AGPAT4: variants seen among roughly 807,000 people sequenced by gnomAD.
The protein encoded by AGPAT4 is 1-acyl-sn-glycerol-3-phosphate acyltransferase delta.
A neutral mutation model predicts 48.0 loss-of-function variants in AGPAT4; 15 were observed. The observed-to-expected ratio is 0.31, with a 90% CI of 0.21 to 0.48. AGPAT4 has a LOEUF of 0.48. Among genes scored for constraint, AGPAT4 ranks in the 20% least tolerant of loss-of-function variants. The pLI is 0.99. For synonymous variants in AGPAT4, 178 were observed against 198.7 expected (o/e 0.90, Z 0.88); for missense variants, 314 against 482.5 (o/e 0.65, Z 3.27).
In AGPAT4 at chr6:161,225,271, C is replaced by T. The variant is rs1182414673; in HGVS notation, c.178+6765G>A. On this transcript the variant is annotated intron_variant, in intron 2 of 8. Transcript: ENST00000320285. This position sits in a 1 kb window ranked among gnomAD's most constrained non-coding sequence, Gnocchi z 5.0. ...CACCCCGTCACTCTCTTTAAATTAG[C>T]CAATCAGAATTAGTTTAACCTGTGC... Among the ~76,000 whole-genome samples, 2 of 152,186 alleles carry T rather than the reference C, an allele frequency of 1.3e-5. No individual in the cohort carries two copies. The highest frequency in any genetic ancestry group is 2.4e-5 in the African/African-American group (1 of 41,446).
intron 5 of AGPAT4, among the ~76,000 whole-genome samples, chr6:161,151,009 G>A: frequency 6.6e-6 from 1 of 152,162 alleles, no homozygotes; most frequent in East Asian, 1.9e-4. Flanking sequence ...TCCCCAAAGA[G>A]CCACCTAAAT....
rs2114746633 is a variant in AGPAT4 at position 161,259,098 on chromosome 6, T to G, written c.-90+14840A>C. ...CAGGTGTGAGCCACGGTACCCGGCC[T>G]TAAATTCTTTTCAATTGACAAATAA... On this transcript the variant is annotated intron_variant, in intron 1 of 8. Coordinates refer to ENST00000320285, the MANE Select transcript of AGPAT4 (RefSeq NM_020133.3). The surrounding 1 kb of genome is among the most constrained non-coding windows in gnomAD (Gnocchi z 4.9). 6.6e-6 allele frequency among the ~76,000 whole-genome samples: 1 copy of G among 152,270 alleles called. No homozygotes were observed. The highest frequency in any genetic ancestry group is 1.9e-4 in the East Asian group (1 of 5,176).
chr6:161,188,590 T>C (rs530930214), intron 2 of AGPAT4, among the ~76,000 whole-genome samples: 1 of 152,356 alleles, frequency 6.6e-6, no homozygotes, highest in Non-Finnish European at 1.5e-5. Context: ...AACGACATTA[T>C]GAGGCATGCA....
chr6:161,153,078 A>G (rs113653622), intron 5 of AGPAT4, among the ~76,000 whole-genome samples: 6,221 of 152,252 alleles, frequency 0.041, 418 homozygotes, highest in African/African-American at 0.14. Flanking sequence ...CCATCCAGGC[A>G]CCCAGCACAT....
rs760517186 is a variant in AGPAT4 at position 161,130,783 on chromosome 6, G to A, written c.*5757C>T. On this transcript the variant is annotated 3_prime_UTR_variant, in exon 9 of 9. Coordinates refer to ENST00000320285, the MANE Select transcript of AGPAT4 (RefSeq NM_020133.3). ...AGCTGAGGCCATGCCATTGCTACCC[G>A]GAAGCTGGCTCTGCAGCGTTGTGAC... 7.2e-5 allele frequency: 36 copies of A among 503,486 alleles called. No homozygotes were observed. Among genetic ancestry groups the A allele is most frequent in the South Asian group, 1.0e-4 (7 of 69,568 alleles). 31.2% of individuals were successfully genotyped at this position (503,486 alleles called of 1,614,324 possible).
Position 161,235,688 on chromosome 6 carries a change from C to T in AGPAT4, c.-89-3386G>A, listed in dbSNP as rs1379638087. ...CTCATGGCGGAAGGCAAAGGGGGAG[C>T]GGGCATCTTACAAGGCAGGAGGAAG... On this transcript the variant is annotated intron_variant, in intron 1 of 8. Coordinates refer to ENST00000320285, the MANE Select transcript of AGPAT4 (RefSeq NM_020133.3). This position sits in a 1 kb window ranked among gnomAD's most constrained non-coding sequence, Gnocchi z 6.2. 2.6e-5 allele frequency among the ~76,000 whole-genome samples: 4 copies of T among 152,134 alleles called. No individual in the cohort carries two copies. In the East Asian group the frequency reaches 7.7e-4, roughly 29 times the overall value.
chr6:161,131,868 T>A lies in AGPAT4; in HGVS notation c.*4672A>T, dbSNP rs1469019950. The A allele has an allele frequency of 5.9e-5, 9 of 152,270 alleles. No individual in the cohort carries two copies. The highest frequency in any genetic ancestry group is 2.2e-4 in the African/African-American group (9 of 41,454). The allele number at this position is 152,270 out of a possible 1,614,324, so 9.4% of individuals were successfully genotyped here. Reference sequence around the variant, plus strand: ...TCCTTCTCTCAAATTGTACGTCTGTTGTTTTCAAAAGCCATTGTGACAGGT... The same window carrying A: ...TCCTTCTCTCAAATTGTACGTCTGTAGTTTTCAAAAGCCATTGTGACAGGT... On this transcript the variant is annotated 3_prime_UTR_variant, in exon 9 of 9. Coordinates refer to ENST00000320285, the MANE Select transcript of AGPAT4 (RefSeq NM_020133.3).
At position 161,139,756 on chromosome 6, in the gene AGPAT4, C is replaced by T; in HGVS notation, c.844-136G>A. 1.4e-6 allele frequency: 1 copy of T among 713,006 alleles called. No homozygotes were observed. The allele number at this position is 713,006 out of a possible 1,614,324, so 44.2% of individuals were successfully genotyped here. ...TCGGCAGAACTGGGGTCTGCAGCTCCTTCCAGAAAGCACTTTGTAGGCAGC... is the reference window on the plus strand; with the variant it reads ...TCGGCAGAACTGGGGTCTGCAGCTCTTTCCAGAAAGCACTTTGTAGGCAGC... On this transcript the variant is annotated intron_variant, in intron 7 of 8. Coordinates refer to ENST00000320285, the MANE Select transcript of AGPAT4 (RefSeq NM_020133.3). The surrounding 1 kb of genome is among the most constrained non-coding windows in gnomAD (Gnocchi z 9.1).
rs969159388 is a variant in AGPAT4, at chr6:161,144,815, C to T, written c.843+1709G>A. On this transcript the variant is annotated intron_variant, in intron 7 of 8. Transcript: ENST00000320285. The surrounding 1 kb of genome is among the most constrained non-coding windows in gnomAD (Gnocchi z 6.6). ...CAAACACGGTGAAACCCCGTCTCTA[C>T]TAAACATACAAAAAAATTAGCCGGG... is the stretch of plus-strand genomic sequence containing the variant. Among the ~76,000 whole-genome samples, 2 of 152,020 alleles carry T rather than the reference C, an allele frequency of 1.3e-5. No homozygotes were observed. Among genetic ancestry groups the T allele is most frequent in the African/African-American group, 4.8e-5 (2 of 41,368 alleles).
chr6:161,208,470 G>A lies in AGPAT4; in HGVS notation c.178+23566C>T, dbSNP rs551802009. Among the ~76,000 whole-genome samples the A allele has an allele frequency of 8.9e-6, 1 of 112,164 alleles. No homozygotes were observed. The highest frequency in any genetic ancestry group is 4.4e-5 in the African/African-American group (1 of 22,578). 73.6% of individuals were successfully genotyped at this position (112,164 alleles called of 152,430 possible). On this transcript the variant is annotated intron_variant, in intron 2 of 8. Transcript: ENST00000320285. This position sits in a 1 kb window ranked among gnomAD's most constrained non-coding sequence, Gnocchi z 4.6. ...CACACACCCACCCCCAACATCTGCA[G>A]GTTTAAGCATTTTTTTTTTCCATAA...
rs1328848073 is a variant in AGPAT4, at chr6:161,180,143, C to T, written c.179-13726G>A. ...AGGATCCCAGGGATGCCTATCCTCC[C>T]TGGAGACCCCAACAATATTTCAAGC... On this transcript the variant is annotated intron_variant, in intron 2 of 8. Transcript: ENST00000320285. This position sits in a 1 kb window ranked among gnomAD's most constrained non-coding sequence, Gnocchi z 6.4. Among the ~76,000 whole-genome samples the T allele has an allele frequency of 1.3e-5, 2 of 152,152 alleles. No individual in the cohort carries two copies. Among genetic ancestry groups the T allele is most frequent in the Admixed American group, 6.5e-5 (1 of 15,272 alleles).
rs765517750 is a variant in AGPAT4 at position 161,246,527 on chromosome 6, A to G, written c.-89-14225T>C. Among the ~76,000 whole-genome samples, 16 of 152,062 alleles carry G rather than the reference A, an allele frequency of 1.1e-4. No homozygotes were observed. The highest frequency in any genetic ancestry group is 1.9e-4 in the Non-Finnish European group (13 of 68,000). On this transcript the variant is annotated intron_variant, in intron 1 of 8. Coordinates refer to ENST00000320285, the MANE Select transcript of AGPAT4 (RefSeq NM_020133.3). The surrounding 1 kb of genome is among the most constrained non-coding windows in gnomAD (Gnocchi z 5.5). ...CAAGTTCAAGCGATTCTCCTGCCTC[A>G]GCCTCCCGAGTAGCTGGGATTACAG...
chr6:161,265,672 G>T (rs532220517), intron 1 of AGPAT4, among the ~76,000 whole-genome samples: 1 of 152,202 alleles, frequency 6.6e-6, no homozygotes, highest in Non-Finnish European at 1.5e-5. Flanking sequence ...GAGAGGTTTG[G>T]AAAAGGAGGC....
At chr6:161,228,346 G>A (rs1002759397) in intron 2 of AGPAT4, among the ~76,000 whole-genome samples, 3 of 152,168 alleles carry the variant, frequency 2.0e-5, no homozygotes, top group African/African-American at 7.2e-5. Flanking sequence ...CCCCATTCAA[G>A]GAAGATGTGT....
In AGPAT4 at chr6:161,245,770, C is replaced by T. The variant is rs183842473; in HGVS notation, c.-89-13468G>A. Among the ~76,000 whole-genome samples, 3 of 152,132 alleles carry T rather than the reference C, an allele frequency of 2.0e-5. No homozygotes were observed. The East Asian group carries it at 5.8e-4, about 29-fold the overall frequency. On this transcript the variant is annotated intron_variant, in intron 1 of 8. Coordinates refer to ENST00000320285, the MANE Select transcript of AGPAT4 (RefSeq NM_020133.3). The surrounding 1 kb of genome is among the most constrained non-coding windows in gnomAD (Gnocchi z 5.2). ...CAATCCTAGTTTCTGGTAAGGAGTG[C>T]GAGGAAGGCGGGAGAATCAATATGG... is the stretch of plus-strand genomic sequence containing the variant.
At chr6:161,213,582 GCC>G (rs1781572047) in intron 2 of AGPAT4, among the ~76,000 whole-genome samples, 1 of 152,034 alleles carries the variant, frequency 6.6e-6, no homozygotes, top group African/African-American at 2.4e-5. Flanking sequence ...CTTTTGTAAA[GCC>G]CTGTGAACTG....
rs2114972115 is a variant in AGPAT4, at chr6:161,159,517, TG to T, written c.349-5208del. ...AAGGTGTGTGCAAGAGAGGATGGTA[TG>T]GGCCTGGAATCTCTGAAATCTGTCC... On this transcript the variant is annotated intron_variant, in intron 3 of 8. Transcript: ENST00000320285. The surrounding 1 kb of genome is among the most constrained non-coding windows in gnomAD (Gnocchi z 4.1). Among the ~76,000 whole-genome samples the T allele has an allele frequency of 1.3e-5, 2 of 152,320 alleles. No individual in the cohort carries two copies. Among genetic ancestry groups the T allele is most frequent in the South Asian group, 4.1e-4 (2 of 4,826 alleles).
At chr6:161,173,164 C>T (rs4289624) in intron 2 of AGPAT4, among the ~76,000 whole-genome samples, 146,464 of 152,292 alleles carry the variant, frequency 0.96, 70,478 homozygotes, top group East Asian at 1. Flanking sequence ...TACCCAGTAA[C>T]GGGATGGCTG....
chr6:161,182,089 C>T (rs778607607), intron 2 of AGPAT4, among the ~76,000 whole-genome samples: 8 of 152,086 alleles, frequency 5.3e-5, no homozygotes, highest in African/African-American at 1.2e-4. Context: ...GACCAGTCTG[C>T]TCTGAACAGG....
Sources: gnomAD v4.1 joint callset for allele counts (sites outside exome capture counted in the v4.1 genomes callset) on GRCh38, gnomAD v4.1.1 for gene constraint, Gnocchi (gnomAD v3.1) non-coding constraint, MANE v1.5 for transcripts, NCBI Gene and HGNC (gene_info 2026-07-23, HGNC 2026-07-21) for gene names.